FZD3: variants seen among roughly 807,000 people sequenced by gnomAD.
FZD3 encodes the protein frizzled class receptor 3.
A neutral mutation model predicts 60.7 loss-of-function variants in FZD3; 30 were observed. The observed-to-expected ratio is 0.49, with a 90% confidence interval of 0.37 to 0.67. The LOEUF (loss-of-function observed/expected upper bound fraction) is 0.67, where lower values mean the gene tolerates loss of function less well. Among genes scored for constraint, FZD3 ranks in the 30% least tolerant of loss-of-function variants. The pLI is 0.00. For synonymous variants in FZD3, 246 were observed against 275.2 expected, an observed-to-expected ratio of 0.89 and a Z score of 1.05; for missense variants, 605 against 838.7, an observed-to-expected ratio of 0.72 and a Z score of 3.44.
intron 5 of FZD3, among the ~76,000 whole-genome samples, chr8:28,543,132 A>G (rs886441614): frequency 1.3e-5 from 2 of 152,144 alleles, no homozygotes; most frequent in African/African-American, 2.4e-5. Flanking sequence ...ACATCACACA[A>G]TTGTTCTAAT....
intron 5 of FZD3, among the ~76,000 whole-genome samples, chr8:28,531,041 G>A (rs1804859610): frequency 6.6e-6 from 1 of 151,918 alleles, no homozygotes; most frequent in African/African-American, 2.4e-5. Flanking sequence ...TTGAAATTAT[G>A]GCATATGTAT....
intron 3 of FZD3, among the ~76,000 whole-genome samples, chr8:28,514,889 A>G (rs986035831): frequency 2.6e-5 from 4 of 152,160 alleles, no homozygotes; most frequent in African/African-American, 9.7e-5. Context: ...TGCTAACTTT[A>G]TCTTTTTACT....
chr8:28,551,998 A>G (rs1207973203), intron 6 of FZD3, among the ~76,000 whole-genome samples: 3 of 152,208 alleles, frequency 2.0e-5, no homozygotes, highest in Admixed American at 6.5e-5. Context: ...TACTTGAAGG[A>G]AGTCCAATCT....
At chr8:28,520,537 A>T (rs1458729231) in intron 3 of FZD3, 101 bp from the exon 4 acceptor site, 2 of 727,528 alleles carry the variant, frequency 2.7e-6, no homozygotes, top group South Asian at 7.2e-5. Context: ...AATAACCCTC[A>T]GAATTTTCTT....
At chr8:28,536,687 CG>C (rs2130413453) in intron 5 of FZD3, among the ~76,000 whole-genome samples, 1 of 152,056 alleles carries the variant, frequency 6.6e-6, no homozygotes, top group East Asian at 1.9e-4. Context: ...CCAGCCTGGG[CG>C]ACAGGGAGAC....
chr8:28,533,575 A>G (rs1158747090), intron 5 of FZD3, among the ~76,000 whole-genome samples: 1 of 145,966 alleles, frequency 6.9e-6, no homozygotes, highest in East Asian at 2.2e-4. Flanking sequence ...AAGTAACTTT[A>G]TGTTTGTTTT....
At chr8:28,521,108 C>T (rs1163784778) in intron 4 of FZD3, among the ~76,000 whole-genome samples, 17 of 151,994 alleles carry the variant, frequency 1.1e-4, no homozygotes, top group Admixed American at 1.0e-3. Flanking sequence ...ACATTTTTTT[C>T]TGATTATGAA....
intron 5 of FZD3, among the ~76,000 whole-genome samples, chr8:28,544,750 A>G (rs763998204): frequency 6.6e-6 from 1 of 152,182 alleles, no homozygotes; most frequent in Non-Finnish European, 1.5e-5. Flanking sequence ...ACATTTTTCC[A>G]TACTTTTTGA....
chr8:28,537,715 G>T (rs565609234), intron 5 of FZD3, among the ~76,000 whole-genome samples: 88 of 152,218 alleles, frequency 5.8e-4, no homozygotes, highest in Non-Finnish European at 1.0e-3. Flanking sequence ...TATAACAGTG[G>T]TTGGTGACCT....
chr8:28,545,710 TA>T (rs1258712371), intron 5 of FZD3, among the ~76,000 whole-genome samples: 1 of 152,236 alleles, frequency 6.6e-6, no homozygotes, highest in Non-Finnish European at 1.5e-5. Flanking sequence ...CTGTGAGAGA[TA>T]ATAAATTCTT....
intron 7 of FZD3, among the ~76,000 whole-genome samples, chr8:28,560,051 G>C (rs1448676902): frequency 1.3e-5 from 2 of 152,250 alleles, no homozygotes; most frequent in African/African-American, 4.8e-5. Context: ...GGGAATGAAT[G>C]ATTAGGTTGG....
At chr8:28,506,801 A>G (rs1011629057) in intron 3 of FZD3, among the ~76,000 whole-genome samples, 2 of 152,202 alleles carry the variant, frequency 1.3e-5, no homozygotes, top group Non-Finnish European at 2.9e-5. Context: ...AGAACAGAGT[A>G]TGTTTCAACC....
intron 5 of FZD3, among the ~76,000 whole-genome samples, chr8:28,536,934 G>A (rs142773192): frequency 6.6e-6 from 1 of 152,324 alleles, no homozygotes; most frequent in African/African-American, 2.4e-5. Context: ...AAAGGACCAT[G>A]AGGGAAATGG....
chr8:28,554,848 A>G (rs1020107462), intron 6 of FZD3, among the ~76,000 whole-genome samples: 2 of 152,160 alleles, frequency 1.3e-5, no homozygotes, highest in East Asian at 1.9e-4. Flanking sequence ...ATATGATCCA[A>G]TCTTAACATG....
intron 3 of FZD3, chr8:28,505,295 G>A (rs1458039036): frequency 6.5e-6 from 1 of 154,316 alleles, no homozygotes; most frequent in East Asian, 1.9e-4. Context: ...TTTCCTAGGT[G>A]TAGCATCTTT....
At chr8:28,553,059 A>T (rs1805442507) in intron 6 of FZD3, among the ~76,000 whole-genome samples, 2 of 152,154 alleles carry the variant, frequency 1.3e-5, no homozygotes. Context: ...GAATTTTGGC[A>T]CCCACAGGGG....
At chr8:28,514,455 C>T (rs575808802) in intron 3 of FZD3, among the ~76,000 whole-genome samples, 15 of 152,224 alleles carry the variant, frequency 9.9e-5, no homozygotes, top group African/African-American at 3.6e-4. Flanking sequence ...TGAGTTTTGA[C>T]AGATCCTGTG....
At chr8:28,516,100 C>CT (rs1451061105) in intron 3 of FZD3, among the ~76,000 whole-genome samples, 1 of 152,118 alleles carries the variant, frequency 6.6e-6, no homozygotes, top group Non-Finnish European at 1.5e-5. Flanking sequence ...AGGTAAGAGT[C>CT]TAACGTTATG....
chr8:28,557,488 TTCTG>T (rs199942284), intron 7 of FZD3, among the ~76,000 whole-genome samples: 2,997 of 152,330 alleles, frequency 0.02, 63 homozygotes, highest in South Asian at 0.08. Flanking sequence ...TTTTTTAATC[TTCTG>T]TCTGTTTCCT....
Sources: allele counts gnomAD v4.1 joint callset (sites outside exome capture counted in the v4.1 genomes callset), GRCh38; gene constraint gnomAD v4.1.1; transcripts MANE v1.5; gene names NCBI Gene and HGNC (gene_info 2026-07-23, HGNC 2026-07-21).